The following CEP128 variants were observed in gnomAD, a reference collection of about 807,000 sequenced individuals.
CEP128 encodes the protein centrosomal protein 128kDa.
In CEP128, 132 loss-of-function variants were observed where a neutral mutation model predicts 156.7. The ratio of observed to expected loss-of-function variants is 0.84; its 90% CI spans 0.73 to 0.97. The LOEUF is 0.97. Among genes scored for constraint, CEP128 ranks in the 50% least tolerant of loss-of-function variants. The pLI, the probability that CEP128 is intolerant of heterozygous loss-of-function variation, is 0.00. For synonymous variants in CEP128, 469 were observed against 448.9 expected, an observed-to-expected ratio of 1.04 and a Z score of -0.57; for missense variants, 1,252 against 1,281.9, an observed-to-expected ratio of 0.98 and a Z score of 0.36.
intron 8 of CEP128, among the ~76,000 whole-genome samples, chr14:80,873,102 G>A (rs929588143): frequency 2.0e-5 from 3 of 152,146 alleles, no homozygotes; most frequent in Non-Finnish European, 4.4e-5. Context: ...ACAATTATGT[G>A]GGCACAATTT....
chr14:80,662,845 A>G (rs1483273697), intron 19 of CEP128, among the ~76,000 whole-genome samples: 2 of 152,196 alleles, frequency 1.3e-5, no homozygotes, highest in African/African-American at 4.8e-5. Context: ...GAAATGTCCT[A>G]TATCTGAGCT....
intron 14 of CEP128, among the ~76,000 whole-genome samples, chr14:80,790,795 T>C (rs1261660240): frequency 7.0e-6 from 1 of 143,704 alleles, no homozygotes; most frequent in Non-Finnish European, 1.6e-5. Context: ...GAAAATAAAT[T>C]ATGCTAGAAA....
At chr14:80,805,061 A>G (rs1300784843) in intron 13 of CEP128, among the ~76,000 whole-genome samples, 3 of 151,734 alleles carry the variant, frequency 2.0e-5, no homozygotes, top group African/African-American at 4.8e-5. Flanking sequence ...TCCCTCTAAC[A>G]TGTTCTCCTA....
intron 2 of CEP128, among the ~76,000 whole-genome samples, chr14:80,932,612 T>C (rs557347106): frequency 6.6e-6 from 1 of 152,228 alleles, no homozygotes; most frequent in South Asian, 2.1e-4. Flanking sequence ...ACACTTTGGG[T>C]GTCACTGTCT....
At chr14:80,930,561 A>T (rs954757367) in intron 2 of CEP128, among the ~76,000 whole-genome samples, 6 of 152,204 alleles carry the variant, frequency 3.9e-5, no homozygotes, top group Non-Finnish European at 7.4e-5. Context: ...AATTACCAAG[A>T]GTCCTCCTTA....
chr14:80,535,591 ACG>A lies in CEP128; in HGVS notation c.2881-4707_2881-4706del, dbSNP rs1214487238. Among the ~76,000 whole-genome samples, 484 of 151,660 alleles carry A rather than the reference ACG, an allele frequency of 3.2e-3. 3 individuals are homozygous for A. Among genetic ancestry groups the A allele is most frequent in the African/African-American group, 0.011 (466 of 41,290 alleles). On this transcript the variant is annotated intron_variant, in intron 21 of 24. Coordinates refer to ENST00000555265, the MANE Select transcript of CEP128 (RefSeq NM_152446.5). ...TGTCTAAACACACTTGTGTGCACAC[ACG>A]CGCACGCATACATGCACACACTCAC...
At chr14:80,625,929 C>G (rs1473856925) in intron 19 of CEP128, among the ~76,000 whole-genome samples, 1 of 151,646 alleles carries the variant, frequency 6.6e-6, no homozygotes, top group Non-Finnish European at 1.5e-5. Flanking sequence ...GATTAGTTCT[C>G]TCATTCATGC....
chr14:80,556,170 T>C (rs991574815), intron 21 of CEP128, among the ~76,000 whole-genome samples: 5 of 152,114 alleles, frequency 3.3e-5, no homozygotes, highest in African/African-American at 1.2e-4. Flanking sequence ...TGGCTGAAGG[T>C]GGTTCCATCC....
chr14:80,891,710 TA>T (rs1420366740), intron 8 of CEP128, among the ~76,000 whole-genome samples: 2 of 152,058 alleles, frequency 1.3e-5, no homozygotes, highest in Non-Finnish European at 2.9e-5. Flanking sequence ...GAATTGTTTG[TA>T]ACAAAGAATA....
At chr14:80,714,295 G>A (rs990275871) in intron 19 of CEP128, among the ~76,000 whole-genome samples, 2 of 151,580 alleles carry the variant, frequency 1.3e-5, no homozygotes, top group Non-Finnish European at 2.9e-5. Context: ...CCCATTCAAG[G>A]CAAAACACAC....
chr14:80,760,652 C>T (rs1188924861), intron 17 of CEP128, among the ~76,000 whole-genome samples: 1 of 152,030 alleles, frequency 6.6e-6, no homozygotes, highest in African/African-American at 2.4e-5. Context: ...ATTATGGCTA[C>T]ACATATCAAA....
chr14:80,533,058 A>G (rs1418194666), intron 21 of CEP128, among the ~76,000 whole-genome samples: 3 of 152,112 alleles, frequency 2.0e-5, no homozygotes, highest in Non-Finnish European at 4.4e-5. Flanking sequence ...GACTTCATCT[A>G]ATTTTTTCAT....
At chr14:80,695,873 A>C (rs1478187661) in intron 19 of CEP128, among the ~76,000 whole-genome samples, 1 of 152,144 alleles carries the variant, frequency 6.6e-6, no homozygotes, top group Non-Finnish European at 1.5e-5. Flanking sequence ...TATGCTTCAA[A>C]AAAATTTTTT....
Position 80,950,634 on chromosome 14 carries a change from A to G in CEP128, c.-172+7544T>C, listed in dbSNP as rs1886443440. Reference sequence around the variant, plus strand: ...TAATTTTTTACTGAGAAAAGCATCAATATTCTCTTTGTGAGACAATTTCAA... The same window carrying G: ...TAATTTTTTACTGAGAAAAGCATCAGTATTCTCTTTGTGAGACAATTTCAA... On this transcript the variant is annotated intron_variant, in intron 2 of 7. Coordinates refer to the CEP128 transcript ENST00000555529. Among the ~76,000 whole-genome samples the G allele has an allele frequency of 2.0e-5, 3 of 152,220 alleles. No individual in the cohort carries two copies. In the South Asian group the frequency reaches 6.2e-4, roughly 32 times the overall value.
chr14:80,879,470 A>T (rs1888429029), intron 8 of CEP128, among the ~76,000 whole-genome samples: 1 of 152,198 alleles, frequency 6.6e-6, no homozygotes, highest in South Asian at 2.1e-4. Flanking sequence ...TCATGATCTG[A>T]ATGAGAAATT....
At chr14:80,680,894 C>A (rs570058809) in intron 19 of CEP128, among the ~76,000 whole-genome samples, 5 of 152,222 alleles carry the variant, frequency 3.3e-5, no homozygotes, top group Admixed American at 3.3e-4. Context: ...GCCCAACAAC[C>A]CCCACCAGTG....
chr14:80,762,171 C>A (rs1311145960), intron 16 of CEP128, among the ~76,000 whole-genome samples: 3 of 152,100 alleles, frequency 2.0e-5, no homozygotes, highest in Non-Finnish European at 4.4e-5. Context: ...GATGAAGGTA[C>A]TTTTCATCTT....
upstream of CEP128, among the ~76,000 whole-genome samples, chr14:80,946,210 C>T (rs539613805): frequency 1.5e-4 from 23 of 152,112 alleles, 1 homozygote; most frequent in South Asian, 4.2e-3. Flanking sequence ...TATATGTAGG[C>T]TGACAAATAC....
intron 19 of CEP128, among the ~76,000 whole-genome samples, chr14:80,624,481 AGTTT>A (rs1893625142): frequency 1.3e-5 from 2 of 152,028 alleles, no homozygotes; most frequent in Admixed American, 1.3e-4. Flanking sequence ...TTCAATTTTT[AGTTT>A]TTTTGTGGAA....
Sources: allele counts gnomAD v4.1 joint callset (sites outside exome capture counted in the v4.1 genomes callset), GRCh38; gene constraint gnomAD v4.1.1; transcripts MANE v1.5; gene names NCBI Gene and HGNC (gene_info 2026-07-23, HGNC 2026-07-21).